The following FBXO10 variants were observed in gnomAD, a reference collection of about 807,000 sequenced individuals.
FBXO10 encodes F-box only protein 10.
A neutral mutation model predicts 80.7 loss-of-function variants in FBXO10; 39 were observed. The observed-to-expected ratio is 0.48, with a 90% confidence interval of 0.37 to 0.63. The LOEUF (loss-of-function observed/expected upper bound fraction) is 0.63, where lower values mean the gene tolerates loss of function less well. Among genes scored for constraint, FBXO10 ranks in the 30% least tolerant of loss-of-function variants. FBXO10 has a pLI of 0.00. For missense variants in FBXO10, 1,025 were observed against 1,269.0 expected, an observed-to-expected ratio of 0.81 and a Z score of 2.92; for synonymous variants, 449 against 489.6, an observed-to-expected ratio of 0.92 and a Z score of 1.09.
intron 8 of FBXO10, 129 bp downstream of exon 8, chr9:37,521,440 G>C: frequency 8.4e-7 from 1 of 1,193,998 alleles, no homozygotes; most frequent in Non-Finnish European, 1.1e-6. Flanking sequence ...GCCCTACCCA[G>C]GTTTGCATCT....
intron 2 of FBXO10, among the ~76,000 whole-genome samples, chr9:37,539,511 G>A (rs1448085667): frequency 6.6e-6 from 1 of 152,232 alleles, no homozygotes; most frequent in Non-Finnish European, 1.5e-5. Flanking sequence ...CTCATCCCTT[G>A]AGGATCTATG....
rs543103712 is a variant in FBXO10, at chr9:37,511,440, AC to A, written c.*1106del. 675 of 153,092 alleles carry A rather than the reference AC, an allele frequency of 4.4e-3. 4 individuals are homozygous for A. Among genetic ancestry groups the A allele is most frequent in the Non-Finnish European group, 7.2e-3 (496 of 68,448 alleles). 9.5% of individuals were successfully genotyped at this position (153,092 alleles called of 1,614,324 possible). On this transcript the variant is annotated 3_prime_UTR_variant, in exon 11 of 11. Coordinates refer to ENST00000432825, the MANE Select transcript of FBXO10 (RefSeq NM_012166.3). The stretch of plus-strand genomic sequence containing the variant: ...GGGACACACAGTCAGAAGTGGCCCT[AC>A]CTACGGGGAGCACACAGGTGAGTGG...
intron 1 of FBXO10, among the ~76,000 whole-genome samples, chr9:37,552,804 G>C (rs1050779850): frequency 2.0e-5 from 3 of 152,016 alleles, no homozygotes; most frequent in Admixed American, 6.6e-5. Context: ...TCTGTTCTTA[G>C]ATGGTGGAAG....
intron 3 of FBXO10, among the ~76,000 whole-genome samples, chr9:37,535,038 G>A (rs560438078): frequency 6.6e-5 from 10 of 152,336 alleles, no homozygotes; most frequent in Non-Finnish European, 1.0e-4. Flanking sequence ...GAGGGAGGGC[G>A]AGAGCAGCGG....
chr9:37,529,979 T>C (rs989766154), intron 4 of FBXO10, among the ~76,000 whole-genome samples: 3 of 152,036 alleles, frequency 2.0e-5, no homozygotes, highest in Non-Finnish European at 4.4e-5. Context: ...CGGCAAGATA[T>C]TCATTTCTAA....
chr9:37,535,523 T>A (rs774274519), intron 3 of FBXO10, among the ~76,000 whole-genome samples: 7 of 152,034 alleles, frequency 4.6e-5, no homozygotes, highest in African/African-American at 1.2e-4. Flanking sequence ...GGCTATTTTT[T>A]TTTTATTTTA....
chr9:37,524,559 G>A (rs1343660879), intron 6 of FBXO10, among the ~76,000 whole-genome samples: 1 of 152,180 alleles, frequency 6.6e-6, no homozygotes, highest in Admixed American at 6.5e-5. Context: ...GTACCAGATG[G>A]ACTTGACCCT....
intron 3 of FBXO10, 113 bp downstream of exon 3, chr9:37,536,997 C>T (rs565543393): frequency 2.8e-5 from 21 of 754,638 alleles, no homozygotes; most frequent in Middle Eastern, 3.1e-4. Flanking sequence ...TGACGTCAAG[C>T]GTGCGTGAAT....
At chr9:37,544,058 G>A (rs1821990702) in intron 1 of FBXO10, among the ~76,000 whole-genome samples, 1 of 152,216 alleles carries the variant, frequency 6.6e-6, no homozygotes, top group African/African-American at 2.4e-5. Context: ...CTTGAGGTCA[G>A]GAGTTCAAGA....
intron 2 of FBXO10, among the ~76,000 whole-genome samples, chr9:37,540,551 C>T (rs1348675014): frequency 6.6e-6 from 1 of 152,158 alleles, no homozygotes; most frequent in African/African-American, 2.4e-5. Flanking sequence ...ATCCAAGTTT[C>T]TAGGCAATGT....
chr9:37,573,571 A>G (rs1011355248), intron 1 of FBXO10, among the ~76,000 whole-genome samples: 1 of 152,188 alleles, frequency 6.6e-6, no homozygotes, highest in Admixed American at 6.5e-5. Context: ...TGCTCAGACA[A>G]TGCAGTTCTC....
At chr9:37,530,312 G>A (rs543426961) in intron 4 of FBXO10, among the ~76,000 whole-genome samples, 1 of 152,278 alleles carries the variant, frequency 6.6e-6, no homozygotes, top group South Asian at 2.1e-4. Flanking sequence ...TTTCCTGAAG[G>A]ATTTGGCAGG....
chr9:37,575,514 C>CTTA (rs1822870442), intron 1 of FBXO10: 1 of 152,196 alleles, frequency 6.6e-6, no homozygotes, highest in Admixed American at 6.5e-5. Context: ...AACCCATGAG[C>CTTA]TTATTACCTC....
intron 2 of FBXO10, among the ~76,000 whole-genome samples, chr9:37,538,602 G>A (rs896318154): frequency 6.6e-6 from 1 of 151,964 alleles, no homozygotes; most frequent in African/African-American, 2.4e-5. Flanking sequence ...CAGCTACTTG[G>A]GAGGCTGAGG....
Position 37,568,114 on chromosome 9 carries a change from C to T in FBXO10, c.-7+8097G>A, listed in dbSNP as rs74924754. 4.6e-3 allele frequency among the ~76,000 whole-genome samples: 703 copies of T among 152,254 alleles called. 28 individuals carry two copies. In the East Asian group the frequency reaches 0.094, roughly 20 times the overall value. ...CACAGTAACATTTTCTTTTTAAAGC[C>T]AACTGATGTTCTTTTTCAAGTTCAG... On this transcript the variant is annotated intron_variant, in intron 1 of 10. Transcript: ENST00000432825.
rs762134255 is a variant in FBXO10 at position 37,523,777 on chromosome 9, C to T, written c.1778-800G>A. 1.4e-4 allele frequency among the ~76,000 whole-genome samples: 21 copies of T among 152,066 alleles called. No individual in the cohort carries two copies. The Middle Eastern group carries it at 0.01, about 74-fold the overall frequency. ...TCTCTACTAAAAATACAAAATTGGGCGTGGTGGCACATGCCTGTAATCCCA... is the reference window on the plus strand; with the variant it reads ...TCTCTACTAAAAATACAAAATTGGGTGTGGTGGCACATGCCTGTAATCCCA... On this transcript the variant is annotated intron_variant, in intron 6 of 10. Transcript: ENST00000432825.
chr9:37,547,642 C>G (rs1822090305), intron 1 of FBXO10, among the ~76,000 whole-genome samples: 1 of 151,866 alleles, frequency 6.6e-6, no homozygotes, highest in African/African-American at 2.4e-5. Context: ...AAAGACAAAA[C>G]TAGTCTATGG....
At position 37,537,166 on chromosome 9, in the gene FBXO10, C is replaced by G. The variant is rs775376512; in HGVS notation, c.1363G>C (p.Glu455Gln). Reference protein sequence around the residue: ...FVCSHGRAKMEGNIFRNLTYA... With the variant: ...FVCSHGRAKMQGNIFRNLTYA... ...GTCAGGTTCCGGAAGATGTTTCCTTCCATCTTGGCTCTGCCGTGGGAGCAG... is the reference window on the plus strand; with the variant it reads ...GTCAGGTTCCGGAAGATGTTTCCTTGCATCTTGGCTCTGCCGTGGGAGCAG... The change falls in exon 3 of 11, where the codon GAA becomes CAA. Residue 455 changes from glutamate to glutamine, a missense_variant. By Grantham distance (29) the Glu-to-Gln change is conservative (BLOSUM62 2). Coordinates refer to ENST00000432825, the MANE Select transcript of FBXO10 (RefSeq NM_012166.3). 3.1e-6 allele frequency: 5 copies of G among 1,613,952 alleles called. No homozygotes were observed. In the South Asian group the frequency reaches 5.5e-5, roughly 18 times the overall value.
At chr9:37,568,417 C>T (rs12347889) in intron 1 of FBXO10, among the ~76,000 whole-genome samples, 52,449 of 151,626 alleles carry the variant, frequency 0.35, 9,157 homozygotes, top group African/African-American at 0.39. Flanking sequence ...AGGCTGGTCT[C>T]GAACTCCTGA....
Sources: gnomAD v4.1 joint callset for allele counts (sites outside exome capture counted in the v4.1 genomes callset) on GRCh38, gnomAD v4.1.1 for gene constraint, MANE v1.5 for transcripts, NCBI Gene and HGNC (gene_info 2026-07-23, HGNC 2026-07-21) for gene names.